ADAMTS12: variants seen among roughly 807,000 people sequenced by gnomAD.
ADAMTS12 encodes the protein A disintegrin and metalloproteinase with thrombospondin motifs 12.
Under a neutral mutation model 167.8 loss-of-function variants are expected in ADAMTS12, and 118 were observed. The observed-to-expected ratio is 0.70, with a 90% CI of 0.61 to 0.82. ADAMTS12 has a LOEUF of 0.82. Among genes scored for constraint, ADAMTS12 ranks in the 40% least tolerant of loss-of-function variants. The probability of loss-of-function intolerance (pLI) is 0.00; values close to 1 mark genes in which losing one functional copy is unlikely to be tolerated. For missense variants in ADAMTS12, 1,916 were observed against 1,998.8 expected (o/e 0.96, Z 0.79); for synonymous variants, 704 against 716.9 (o/e 0.98, Z 0.29).
intron 3 of ADAMTS12, among the ~76,000 whole-genome samples, chr5:33,686,970 G>A (rs1561214837): frequency 6.6e-6 from 1 of 151,340 alleles, no homozygotes; most frequent in South Asian, 2.1e-4. Flanking sequence ...GAGAGAGAGA[G>A]ATCTTGGACT....
chr5:33,702,256 A>G (rs1273638463), intron 3 of ADAMTS12, among the ~76,000 whole-genome samples: 2 of 152,182 alleles, frequency 1.3e-5, no homozygotes, highest in East Asian at 3.8e-4. Flanking sequence ...ATATAAAGCA[A>G]CTTCCAGCAT....
At chr5:33,720,740 T>C (rs1237478071) in intron 3 of ADAMTS12, among the ~76,000 whole-genome samples, 1 of 152,228 alleles carries the variant, frequency 6.6e-6, no homozygotes, top group Non-Finnish European at 1.5e-5. Flanking sequence ...CCTTATACAC[T>C]GCTGGTGAGC....
intron 5 of ADAMTS12, among the ~76,000 whole-genome samples, chr5:33,677,066 C>T (rs1038440046): frequency 3.9e-5 from 6 of 152,134 alleles, no homozygotes; most frequent in Non-Finnish European, 5.9e-5. Context: ...CACTCTCATT[C>T]CAGTTTTGTC....
intron 6 of ADAMTS12, among the ~76,000 whole-genome samples, chr5:33,658,836 G>A (rs1278798858): frequency 2.6e-5 from 4 of 152,128 alleles, no homozygotes; most frequent in Non-Finnish European, 5.9e-5. Context: ...TGTCTATCCA[G>A]CCCCATTCCA....
At chr5:33,629,652 G>C (rs1233397023) in intron 13 of ADAMTS12, among the ~76,000 whole-genome samples, 1 of 152,186 alleles carries the variant, frequency 6.6e-6, no homozygotes, top group East Asian at 1.9e-4. Context: ...CTTTTGCAAT[G>C]ACATCTGCCC....
At position 33,733,998 on chromosome 5, in the gene ADAMTS12, TACACACACACACAC is replaced by T. The variant is rs147754057; in HGVS notation, c.634+17392_634+17405del. Among the ~76,000 whole-genome samples, 607 of 139,472 alleles carry T rather than the reference TACACACACACACAC, an allele frequency of 4.4e-3. 4 individuals carry two copies. Among genetic ancestry groups the T allele is most frequent in the African/African-American group, 0.014 (522 of 37,058 alleles). The allele number at this position is 139,472 out of a possible 152,430, so 91.5% of individuals were successfully genotyped here. ...GATGTCAAAGCCTACACTTCCCCAC[TACACACACACACAC>T]ACACACACACACACACACACACACA... On this transcript the variant is annotated intron_variant, in intron 3 of 23. Transcript: ENST00000504830.
intron 2 of ADAMTS12, among the ~76,000 whole-genome samples, chr5:33,781,134 A>G (rs903995735): frequency 3.9e-5 from 6 of 152,114 alleles, no homozygotes; most frequent in Non-Finnish European, 7.4e-5. Flanking sequence ...TTTATGCTGT[A>G]AGGTAAGAAA....
chr5:33,608,552 C>T (rs1738560744), intron 16 of ADAMTS12, among the ~76,000 whole-genome samples: 1 of 152,190 alleles, frequency 6.6e-6, no homozygotes, highest in African/African-American at 2.4e-5. Flanking sequence ...GTTCCTTTGA[C>T]TCTCTGATAG....
chr5:33,659,227 G>T (rs1486575663), intron 6 of ADAMTS12, among the ~76,000 whole-genome samples: 1 of 152,158 alleles, frequency 6.6e-6, no homozygotes, highest in Non-Finnish European at 1.5e-5. Flanking sequence ...TCTCCAGGTT[G>T]CAATGGCTGG....
At chr5:33,534,811 C>T (rs373103421) in intron 23 of ADAMTS12, 22 bp downstream of exon 23, 1 of 1,597,840 alleles carries the variant, frequency 6.3e-7, no homozygotes. Flanking sequence ...CTCTTTCTCC[C>T]CGAGCAAACC....
intron 3 of ADAMTS12, among the ~76,000 whole-genome samples, chr5:33,739,581 T>C (rs1744495108): frequency 6.6e-6 from 1 of 152,170 alleles, no homozygotes; most frequent in Admixed American, 6.5e-5. Flanking sequence ...TACTCTCACC[T>C]CTCTCCCCGA....
chr5:33,666,932 G>A (rs531472054), intron 5 of ADAMTS12, among the ~76,000 whole-genome samples: 5 of 152,264 alleles, frequency 3.3e-5, no homozygotes, highest in Non-Finnish European at 5.9e-5. Flanking sequence ...TGCTTAGCAC[G>A]TTATGGCTTA....
chr5:33,571,159 AC>A (rs1746318012), intron 19 of ADAMTS12, among the ~76,000 whole-genome samples: 1 of 152,120 alleles, frequency 6.6e-6, no homozygotes, highest in Non-Finnish European at 1.5e-5. Context: ...AGACTTTAAC[AC>A]CCCACTGTCA....
intron 9 of ADAMTS12, among the ~76,000 whole-genome samples, chr5:33,647,064 A>C (rs542811109): frequency 1.1e-3 from 162 of 152,254 alleles, no homozygotes; most frequent in Non-Finnish European, 1.8e-3. Flanking sequence ...AAGAGATGAA[A>C]ATATGAAGGA....
At chr5:33,670,777 T>C (rs1230007922) in intron 5 of ADAMTS12, among the ~76,000 whole-genome samples, 1 of 152,178 alleles carries the variant, frequency 6.6e-6, no homozygotes, top group Non-Finnish European at 1.5e-5. Flanking sequence ...AAACCCTACA[T>C]AGGCAATGAC....
intron 3 of ADAMTS12, among the ~76,000 whole-genome samples, chr5:33,693,401 T>C (rs1472072934): frequency 6.6e-6 from 1 of 152,230 alleles, no homozygotes; most frequent in Non-Finnish European, 1.5e-5. Context: ...TATATTTACA[T>C]ATATATGGGC....
At chr5:33,778,683 G>A (rs10069624) in intron 2 of ADAMTS12, among the ~76,000 whole-genome samples, 8,839 of 152,002 alleles carry the variant, frequency 0.058, 893 homozygotes, top group African/African-American at 0.2. Flanking sequence ...ATTGCATCAA[G>A]CTGAAAAGCT....
At chr5:33,643,334 C>G (rs1183731146) in intron 10 of ADAMTS12, 44 bp downstream of exon 10, 1 of 1,603,892 alleles carries the variant, frequency 6.2e-7, no homozygotes, top group African/African-American at 1.3e-5. Flanking sequence ...CCCAAGAACT[C>G]TGCCCACCGC....
chr5:33,865,441 C>T (rs1316235171), intron 2 of ADAMTS12, among the ~76,000 whole-genome samples: 2 of 152,010 alleles, frequency 1.3e-5, no homozygotes, highest in African/African-American at 4.8e-5. Context: ...AAACCCTCAA[C>T]AAACGAGGCA....
Sources: gnomAD v4.1 joint callset for allele counts (sites outside exome capture counted in the v4.1 genomes callset) on GRCh38, gnomAD v4.1.1 for gene constraint, MANE v1.5 for transcripts, NCBI Gene and HGNC (gene_info 2026-07-23, HGNC 2026-07-21) for gene names.